The following TRMT9B variants were observed in gnomAD, a reference collection of about 807,000 sequenced individuals.
TRMT9B encodes the protein tRNA methyltransferase 9B (putative).
A neutral mutation model predicts 11.5 loss-of-function variants in TRMT9B; 16 were observed. The observed-to-expected ratio is 1.39, with a 90% CI of 0.94 to 2.11. The LOEUF is 2.11. Among genes scored for constraint, TRMT9B ranks in the 30% most tolerant of loss-of-function variants. TRMT9B has a pLI of 0.00. For missense variants in TRMT9B, 941 were observed against 553.8 expected, an observed-to-expected ratio of 1.70 and a Z score of -7.02; for synonymous variants, 274 against 192.4, an observed-to-expected ratio of 1.42 and a Z score of -3.51.
intron 2 of TRMT9B, among the ~76,000 whole-genome samples, chr8:12,999,365 G>C (rs1585285296): frequency 6.6e-6 from 1 of 151,704 alleles, no homozygotes; most frequent in Non-Finnish European, 1.5e-5. Flanking sequence ...AAGATGGGAG[G>C]GGTGATTTAT....
At chr8:12,969,320 G>A (rs942769955) in intron 1 of TRMT9B, among the ~76,000 whole-genome samples, 2 of 152,120 alleles carry the variant, frequency 1.3e-5, no homozygotes, top group Non-Finnish European at 2.9e-5. Context: ...GCTCACAGAG[G>A]CCTGTAAATC....
At chr8:13,010,178 A>G (rs752662135) in intron 3 of TRMT9B, 81 of 818,510 alleles carry the variant, frequency 9.9e-5, no homozygotes, top group Non-Finnish European at 1.2e-4. Flanking sequence ...TTCTTTAAAT[A>G]CCTCTGTGCA....
intron 1 of TRMT9B, among the ~76,000 whole-genome samples, chr8:12,954,352 C>T (rs1188366439): frequency 6.6e-6 from 1 of 152,164 alleles, no homozygotes; most frequent in Non-Finnish European, 1.5e-5. Context: ...ATTTGAAACA[C>T]ATTTATGAAG....
In TRMT9B at chr8:13,028,303, G is replaced by A. The variant is rs1189641396; in HGVS notation, c.*6259G>A. Reference sequence around the variant, plus strand: ...ATTTGTAAGAGCTGTTTGTCAAATTGGATCTTCATTTGACAAATAAATACT... The same window carrying A: ...ATTTGTAAGAGCTGTTTGTCAAATTAGATCTTCATTTGACAAATAAATACT... On this transcript the variant is annotated 3_prime_UTR_variant, in exon 5 of 5. Transcript: ENST00000524591. The A allele has an allele frequency of 6.0e-6, 1 of 166,916 alleles. No homozygotes were observed. The highest frequency in any genetic ancestry group is 1.5e-5 in the Non-Finnish European group (1 of 68,100). The allele number at this position is 166,916 out of a possible 1,614,324, so 10.3% of individuals were successfully genotyped here. A position where few individuals can be genotyped will look rare whatever the true frequency, so the allele number is the denominator to read the frequency against.
intron 4 of TRMT9B, among the ~76,000 whole-genome samples, chr8:13,014,230 C>G (rs1278485872): frequency 6.6e-6 from 1 of 152,170 alleles, no homozygotes; most frequent in Non-Finnish European, 1.5e-5. Context: ...GCAGTTGAAA[C>G]TGTTAGATCC....
chr8:13,003,739 G>A (rs1809889893), intron 2 of TRMT9B, among the ~76,000 whole-genome samples: 1 of 151,386 alleles, frequency 6.6e-6, no homozygotes, highest in Admixed American at 6.6e-5. Flanking sequence ...GGAGCAAGAT[G>A]GCTAAATGGA....
intron 4 of TRMT9B, among the ~76,000 whole-genome samples, chr8:13,015,574 G>A (rs1300656413): frequency 1.9e-5 from 1 of 51,834 alleles, no homozygotes; most frequent in Non-Finnish European, 3.9e-5. Context: ...GGCTGGTCCT[G>A]AAGTCCAGGG....
chr8:13,002,477 G>A lies in TRMT9B; in HGVS notation c.-1-3725G>A, dbSNP rs1281841075. Among the ~76,000 whole-genome samples, 3 of 152,276 alleles carry A rather than the reference G, an allele frequency of 2.0e-5. No individual in the cohort carries two copies. In the East Asian group the frequency reaches 5.8e-4, roughly 29 times the overall value. Reference sequence around the variant, plus strand: ...GTTTACTTCGTAAATTTCAGTTGAAGGTGCAACATAAGCTGTTTCAATTTG... The same window carrying A: ...GTTTACTTCGTAAATTTCAGTTGAAAGTGCAACATAAGCTGTTTCAATTTG... On this transcript the variant is annotated intron_variant, in intron 2 of 4. Coordinates refer to ENST00000524591, the MANE Select transcript of TRMT9B (RefSeq NM_020844.3).
chr8:13,001,539 A>G (rs1694774150), intron 2 of TRMT9B, among the ~76,000 whole-genome samples: 1 of 152,234 alleles, frequency 6.6e-6, no homozygotes. Flanking sequence ...ATCAGGAAAA[A>G]TGCTTTGTTT....
At chr8:12,976,557 T>C (rs1241204935) in intron 1 of TRMT9B, among the ~76,000 whole-genome samples, 1 of 151,944 alleles carries the variant, frequency 6.6e-6, no homozygotes, top group Non-Finnish European at 1.5e-5. Flanking sequence ...CTGGGTAATA[T>C]AGTAAAACCC....
In TRMT9B at chr8:13,026,103, G is replaced by A. The variant is rs1324911234; in HGVS notation, c.*4059G>A. 1.2e-5 allele frequency: 2 copies of A among 166,976 alleles called. No homozygotes were observed. Among genetic ancestry groups the A allele is most frequent in the Non-Finnish European group, 2.9e-5 (2 of 68,128 alleles). The allele number at this position is 166,976 out of a possible 1,614,324, so 10.3% of individuals were successfully genotyped here. The stretch of plus-strand genomic sequence containing the variant: ...AGGGCACAGGTTAAATATGAGCTGT[G>A]AGCCCCCAGTTTTGGAGGAAGGAGG... On this transcript the variant is annotated 3_prime_UTR_variant, in exon 5 of 5. Coordinates refer to ENST00000524591, the MANE Select transcript of TRMT9B (RefSeq NM_020844.3).
chr8:12,966,738 A>C (rs1802875580), intron 1 of TRMT9B, among the ~76,000 whole-genome samples: 1 of 152,200 alleles, frequency 6.6e-6, no homozygotes, highest in Non-Finnish European at 1.5e-5. Flanking sequence ...GTGGGAACTC[A>C]CAGAGCACCC....
At chr8:12,983,088 A>C (rs1163824943) in intron 1 of TRMT9B, among the ~76,000 whole-genome samples, 2 of 152,198 alleles carry the variant, frequency 1.3e-5, no homozygotes, top group Non-Finnish European at 2.9e-5. Context: ...TGGTGTAAAG[A>C]TATTGTTGAA....
intron 1 of TRMT9B, among the ~76,000 whole-genome samples, chr8:12,981,346 T>G (rs1563353835): frequency 6.6e-6 from 1 of 152,066 alleles, no homozygotes; most frequent in East Asian, 1.9e-4. Context: ...GGGTGTGAAT[T>G]GGGGGTGGGA....
At chr8:12,954,547 A>G (rs1160231562) in intron 1 of TRMT9B, among the ~76,000 whole-genome samples, 1 of 152,226 alleles carries the variant, frequency 6.6e-6, no homozygotes, top group Non-Finnish European at 1.5e-5. Context: ...ATAATGCATT[A>G]TTGAAATTAG....
intron 2 of TRMT9B, among the ~76,000 whole-genome samples, chr8:12,999,833 C>T (rs1809076189): frequency 6.6e-6 from 1 of 152,086 alleles, no homozygotes; most frequent in Non-Finnish European, 1.5e-5. Flanking sequence ...CCACTAGGCT[C>T]ACAATATTAA....
chr8:13,003,453 G>T (rs1005591579), intron 2 of TRMT9B, among the ~76,000 whole-genome samples: 18 of 152,222 alleles, frequency 1.2e-4, no homozygotes, highest in African/African-American at 3.9e-4. Context: ...TGGAGGAGAT[G>T]ATGCCTTTTC....
At chr8:13,019,564 G>C (rs1813417157) in intron 4 of TRMT9B, among the ~76,000 whole-genome samples, 1 of 152,186 alleles carries the variant, frequency 6.6e-6, no homozygotes, top group Non-Finnish European at 1.5e-5. Flanking sequence ...AAAGTGCTGG[G>C]ATTACTGGCA....
At chr8:12,949,239 G>C (rs1407608653) in intron 1 of TRMT9B, among the ~76,000 whole-genome samples, 3 of 151,630 alleles carry the variant, frequency 2.0e-5, no homozygotes, top group Non-Finnish European at 4.4e-5. Context: ...TGACTACCGA[G>C]AGTAAAAATC....
Sources: allele counts gnomAD v4.1 joint callset (sites outside exome capture counted in the v4.1 genomes callset), GRCh38; gene constraint gnomAD v4.1.1; transcripts MANE v1.5; gene names NCBI Gene and HGNC (gene_info 2026-07-23, HGNC 2026-07-21).